MAGI3: variants seen among roughly 807,000 people sequenced by gnomAD.
MAGI3 encodes membrane-associated guanylate kinase, WW and PDZ domain-containing protein 3.
A neutral mutation model predicts 121.8 loss-of-function variants in MAGI3; 43 were observed. The observed-to-expected ratio is 0.35, with a 90% CI of 0.28 to 0.46. MAGI3 has a LOEUF of 0.46. Ranked by LOEUF, MAGI3 falls within the 20% of genes least tolerant of loss-of-function variation. MAGI3 has a pLI of 1.00. For synonymous variants in MAGI3, 553 were observed against 639.3 expected, an observed-to-expected ratio of 0.86 and a Z score of 2.04; for missense variants, 1,547 against 1,797.3, an observed-to-expected ratio of 0.86 and a Z score of 2.52.
In MAGI3 at chr1:113,391,384, G is replaced by T. The variant is rs759414243; in HGVS notation, c.316+35G>T. ...CCCTGCGTATCTGTCTCGGGGTGTT[G>T]GGGAGAGGGGCTTCAGGGTGGGCGT... On this transcript the variant is annotated intron_variant, in intron 1 of 20. Coordinates refer to ENST00000307546, the MANE Select transcript of MAGI3 (RefSeq NM_001142782.2). The surrounding 1 kb of genome is among the most constrained non-coding windows in gnomAD (Gnocchi z 4.4). 7 of 1,559,832 alleles carry T rather than the reference G, an allele frequency of 4.5e-6. No homozygotes were observed. In the East Asian group the frequency reaches 1.4e-4, roughly 32 times the overall value.
chr1:113,533,649 AACC>A (rs1216714176), intron 1 of MAGI3, among the ~76,000 whole-genome samples: 1 of 152,190 alleles, frequency 6.6e-6, no homozygotes, highest in African/African-American at 2.4e-5. Flanking sequence ...ATTAATTTAA[AACC>A]ACCATTACCA....
At chr1:113,524,461 C>T (rs1658361685) in intron 1 of MAGI3, among the ~76,000 whole-genome samples, 2 of 152,092 alleles carry the variant, frequency 1.3e-5, no homozygotes, top group South Asian at 4.1e-4. Context: ...ACCATGGGAA[C>T]CCACCTCTGG....
chr1:113,631,152 C>T (rs935091810), intron 9 of MAGI3, among the ~76,000 whole-genome samples: 1 of 152,206 alleles, frequency 6.6e-6, no homozygotes, highest in Non-Finnish European at 1.5e-5. Context: ...CTCACCCTCT[C>T]CCAAGCATGC....
At chr1:113,474,853 G>A (rs1249938113) in intron 1 of MAGI3, among the ~76,000 whole-genome samples, 3 of 152,304 alleles carry the variant, frequency 2.0e-5, no homozygotes, top group South Asian at 2.1e-4. Context: ...TCACAATATG[G>A]ATTCTTCCTA....
chr1:113,507,796 A>G (rs1037451068), intron 1 of MAGI3, among the ~76,000 whole-genome samples: 1 of 152,200 alleles, frequency 6.6e-6, no homozygotes, highest in Non-Finnish European at 1.5e-5. Flanking sequence ...TCTCATTTTT[A>G]CCTACTAAAG....
At chr1:113,433,043 ATTG>A (rs1045760375) in intron 1 of MAGI3, among the ~76,000 whole-genome samples, 1 of 152,138 alleles carries the variant, frequency 6.6e-6, no homozygotes, top group Non-Finnish European at 1.5e-5. Flanking sequence ...AAACATTATT[ATTG>A]TTATTATTCT....
At chr1:113,411,058 T>G (rs1486044781) in intron 1 of MAGI3, among the ~76,000 whole-genome samples, 1 of 152,158 alleles carries the variant, frequency 6.6e-6, no homozygotes, top group Non-Finnish European at 1.5e-5. Flanking sequence ...ACTGTTGATA[T>G]TTCCATTTTA....
At chr1:113,409,843 A>T (rs1427946523) in intron 1 of MAGI3, among the ~76,000 whole-genome samples, 1 of 152,084 alleles carries the variant, frequency 6.6e-6, no homozygotes, top group African/African-American at 2.4e-5. Context: ...TACTATACTG[A>T]TGTGAGGAAT....
At chr1:113,601,897 A>G (rs1328664908) in intron 6 of MAGI3, among the ~76,000 whole-genome samples, 2 of 149,330 alleles carry the variant, frequency 1.3e-5, no homozygotes, top group African/African-American at 2.5e-5. Flanking sequence ...CAGCCATAAA[A>G]AATGATGAGT....
rs890794156 is a variant in MAGI3, at chr1:113,391,989, T to C, written c.316+640T>C. On this transcript the variant is annotated intron_variant, in intron 1 of 20. Transcript: ENST00000307546. This position sits in a 1 kb window ranked among gnomAD's most constrained non-coding sequence, Gnocchi z 4.4. Reference sequence around the variant, plus strand: ...AGAGTCTGGGTTTTGCAGGAAGACCTAGGTGCCTAGCGGAGTGAAAGCTTC... The same window carrying C: ...AGAGTCTGGGTTTTGCAGGAAGACCCAGGTGCCTAGCGGAGTGAAAGCTTC... Among the ~76,000 whole-genome samples, 1 of 152,240 alleles carries C rather than the reference T, an allele frequency of 6.6e-6. No individual in the cohort carries two copies. Among genetic ancestry groups the C allele is most frequent in the African/African-American group, 2.4e-5 (1 of 41,468 alleles).
chr1:113,453,523 A>G (rs1654588044), intron 1 of MAGI3, among the ~76,000 whole-genome samples: 1 of 152,226 alleles, frequency 6.6e-6, no homozygotes, highest in Non-Finnish European at 1.5e-5. Flanking sequence ...TAAATTGCAT[A>G]ATCACAAATT....
chr1:113,637,679 A>C (rs1195331153), intron 9 of MAGI3, among the ~76,000 whole-genome samples: 2 of 149,968 alleles, frequency 1.3e-5, no homozygotes, highest in Non-Finnish European at 1.5e-5. Flanking sequence ...CCTTCATTTC[A>C]ACTTTGGTGA....
chr1:113,600,763 A>C (rs1649318872), intron 6 of MAGI3, among the ~76,000 whole-genome samples: 1 of 152,168 alleles, frequency 6.6e-6, no homozygotes, highest in African/African-American at 2.4e-5. Flanking sequence ...CGCATTGCCA[A>C]GTCAATCCTA....
At position 113,658,166 on chromosome 1, in the gene MAGI3, C is replaced by T. The variant is rs1436956929; in HGVS notation, c.2630-914C>T. Among the ~76,000 whole-genome samples the T allele has an allele frequency of 3.3e-5, 5 of 152,192 alleles. No homozygotes were observed. Among genetic ancestry groups the T allele is most frequent in the African/African-American group, 1.2e-4 (5 of 41,452 alleles). On this transcript the variant is annotated intron_variant, in intron 15 of 20. Coordinates refer to ENST00000307546, the MANE Select transcript of MAGI3 (RefSeq NM_001142782.2). This position sits in a 1 kb window ranked among gnomAD's most constrained non-coding sequence, Gnocchi z 4.0. ...CCTAGGCTAGGAAATTCTCAGAGAA[C>T]ATAGAAGGAACATTTGTTTCCTAAT...
chr1:113,401,269 A>G (rs983005123), intron 1 of MAGI3, among the ~76,000 whole-genome samples: 7 of 152,220 alleles, frequency 4.6e-5, no homozygotes, highest in Middle Eastern at 3.4e-3. Flanking sequence ...TTTTTCTAGT[A>G]AAAGGAAAAA....
In MAGI3 at chr1:113,422,518, C is replaced by T. The variant is rs984827870; in HGVS notation, c.316+31169C>T. ...GAGCGGTGAGGGGCATGTGAGTGAGCGAGTGTGGGGTCTGGCCACTGCGCA... is the reference window on the plus strand; with the variant it reads ...GAGCGGTGAGGGGCATGTGAGTGAGTGAGTGTGGGGTCTGGCCACTGCGCA... On this transcript the variant is annotated intron_variant, in intron 1 of 20. Transcript: ENST00000307546. The surrounding 1 kb of genome is among the most constrained non-coding windows in gnomAD (Gnocchi z 4.3). Among the ~76,000 whole-genome samples, 12 of 152,214 alleles carry T rather than the reference C, an allele frequency of 7.9e-5. No individual in the cohort carries two copies. The highest frequency in any genetic ancestry group is 1.9e-4 in the African/African-American group (8 of 41,454).
intron 1 of MAGI3, among the ~76,000 whole-genome samples, chr1:113,521,756 AT>A (rs781756471): frequency 1.8e-4 from 28 of 152,294 alleles, no homozygotes; most frequent in South Asian, 1.5e-3. Flanking sequence ...CATATTTTGA[AT>A]TTTATATAAA....
intron 1 of MAGI3, among the ~76,000 whole-genome samples, chr1:113,540,136 G>C (rs887988902): frequency 3.3e-5 from 5 of 151,906 alleles, no homozygotes; most frequent in South Asian, 2.1e-4. Flanking sequence ...TTAGTGAAAG[G>C]GTTTGTGTGT....
intron 1 of MAGI3, among the ~76,000 whole-genome samples, chr1:113,445,118 C>G (rs1654108335): frequency 6.6e-6 from 1 of 152,022 alleles, no homozygotes; most frequent in South Asian, 2.1e-4. Context: ...GTGACACTAC[C>G]AAGTGGACCA....
Sources: allele counts gnomAD v4.1 joint callset (sites outside exome capture counted in the v4.1 genomes callset), GRCh38; gene constraint gnomAD v4.1.1; non-coding constraint Gnocchi (gnomAD v3.1); transcripts MANE v1.5; gene names NCBI Gene and HGNC (gene_info 2026-07-23, HGNC 2026-07-21).